Variants in ANKFN1 observed in about 807,000 individuals in gnomAD.
ANKFN1 encodes the protein ankyrin repeat and fibronectin type III domain containing 1, also known as ankyrin repeat and fibronectin type-III domain-containing protein 1.
In ANKFN1, 74 loss-of-function variants were observed where a neutral mutation model predicts 108.7. That is an observed-to-expected ratio of 0.68 (90% confidence interval 0.56 to 0.83). ANKFN1 has a LOEUF of 0.83. Ranked by LOEUF, ANKFN1 falls within the 40% of genes least tolerant of loss-of-function variation. ANKFN1 has a pLI of 0.00. For synonymous variants in ANKFN1, 547 were observed against 516.2 expected (o/e 1.06, Z -0.81); for missense variants, 1,505 against 1,382.3 (o/e 1.09, Z -1.41).
intron 8 of ANKFN1, among the ~76,000 whole-genome samples, chr17:56,390,557 T>C (rs770186662): frequency 4.6e-5 from 7 of 152,212 alleles, no homozygotes; most frequent in Non-Finnish European, 1.0e-4. Flanking sequence ...TTTGGGTATA[T>C]ACCCAGTAAT....
In ANKFN1 at chr17:56,326,740, G is replaced by A. The variant is rs16957105; in HGVS notation, c.188+385G>A. Among the ~76,000 whole-genome samples the A allele has an allele frequency of 3.0e-3, 459 of 152,320 alleles. 1 individual carries two copies. Among genetic ancestry groups the A allele is most frequent in the African/African-American group, 0.01 (425 of 41,578 alleles). ...TTCCTGAGTACCTAACAAAACACCTGTTGGGTCAGGTAAAGATGGGTTCCA... is the reference window on the plus strand; with the variant it reads ...TTCCTGAGTACCTAACAAAACACCTATTGGGTCAGGTAAAGATGGGTTCCA... On this transcript the variant is annotated intron_variant, in intron 4 of 20. Transcript: ENST00000682825.
At chr17:56,285,271 C>T (rs1465541012) in intron 3 of ANKFN1, among the ~76,000 whole-genome samples, 1 of 152,144 alleles carries the variant, frequency 6.6e-6, no homozygotes, top group Non-Finnish European at 1.5e-5. Flanking sequence ...GGACAAGCTC[C>T]TAAAGACTTA....
chr17:56,414,795 G>A (rs948688747), intron 8 of ANKFN1, among the ~76,000 whole-genome samples: 5 of 152,156 alleles, frequency 3.3e-5, no homozygotes, highest in African/African-American at 1.2e-4. Context: ...GAGATGGGCA[G>A]ATTGCTTAAG....
intron 11 of ANKFN1, among the ~76,000 whole-genome samples, chr17:56,454,115 G>A (rs2049595345): frequency 6.6e-6 from 1 of 151,976 alleles, no homozygotes; most frequent in Admixed American, 6.6e-5. Context: ...TAGAACTCTT[G>A]TTATTCAGAT....
chr17:56,447,527 A>G (rs2049338257), intron 10 of ANKFN1, among the ~76,000 whole-genome samples: 1 of 152,206 alleles, frequency 6.6e-6, no homozygotes, highest in Non-Finnish European at 1.5e-5. Context: ...AAGCTGAGTC[A>G]TATACAACTG....
chr17:56,315,881 T>C (rs2045192404), intron 3 of ANKFN1, among the ~76,000 whole-genome samples: 1 of 152,206 alleles, frequency 6.6e-6, no homozygotes, highest in African/African-American at 2.4e-5. Context: ...ATGGGAATAA[T>C]AGAGATGAGG....
At chr17:56,238,461 C>T (rs951843412) in intron 3 of ANKFN1, among the ~76,000 whole-genome samples, 1 of 152,098 alleles carries the variant, frequency 6.6e-6, no homozygotes, top group Non-Finnish European at 1.5e-5. Context: ...AATCAAGGTG[C>T]TCCTGTGTTG....
chr17:56,147,219 C>T (rs1005330434), intron 4 of ANKFN1, among the ~76,000 whole-genome samples: 1 of 152,168 alleles, frequency 6.6e-6, no homozygotes, highest in Admixed American at 6.5e-5. Context: ...CAAACCTTCC[C>T]ACATCTTCCT....
chr17:56,054,746 C>A (rs1219608538), intron 4 of ANKFN1, among the ~76,000 whole-genome samples: 1 of 151,964 alleles, frequency 6.6e-6, no homozygotes, highest in African/African-American at 2.4e-5. Context: ...AACAAATTAG[C>A]CAGACTAATA....
intron 8 of ANKFN1, among the ~76,000 whole-genome samples, chr17:56,390,047 T>C (rs763754002): frequency 6.6e-6 from 1 of 152,170 alleles, no homozygotes; most frequent in Non-Finnish European, 1.5e-5. Flanking sequence ...TTTTTAATTT[T>C]ACTTTAAGTT....
intron 1 of ANKFN1, among the ~76,000 whole-genome samples, chr17:56,203,076 A>C (rs1486964427): frequency 6.6e-6 from 1 of 152,186 alleles, no homozygotes. Context: ...AAAAGATACG[A>C]TGAACATGGA....
In ANKFN1 at chr17:56,511,290, C is replaced by A; in HGVS notation, c.*21C>A. ...TTTAGGGAGGCCCATCCCGGCTGTC[C>A]ACCCCTCCATGGCTGCTACCTGCGT... On this transcript the variant is annotated 3_prime_UTR_variant, in exon 21 of 21. Coordinates refer to ENST00000682825, the MANE Select transcript of ANKFN1 (RefSeq NM_001370326.1). 6.7e-7 allele frequency: 1 copy of A among 1,495,892 alleles called. No homozygotes were observed. The highest frequency in any genetic ancestry group is 8.9e-7 in the Non-Finnish European group (1 of 1,123,534). 92.7% of individuals were successfully genotyped at this position (1,495,892 alleles called of 1,614,324 possible).
At chr17:56,101,855 C>T (rs1905653877) in intron 4 of ANKFN1, among the ~76,000 whole-genome samples, 1 of 152,184 alleles carries the variant, frequency 6.6e-6, no homozygotes. Flanking sequence ...TGGGCCTCAT[C>T]CTACTACCTA....
At chr17:56,273,300 A>G (rs2043838125) in intron 3 of ANKFN1, among the ~76,000 whole-genome samples, 1 of 152,122 alleles carries the variant, frequency 6.6e-6, no homozygotes, top group South Asian at 2.1e-4. Flanking sequence ...GGTATACTAT[A>G]CCCAGTACTA....
At chr17:56,470,605 A>G (rs1432079876) in intron 15 of ANKFN1, among the ~76,000 whole-genome samples, 1 of 152,146 alleles carries the variant, frequency 6.6e-6, no homozygotes, top group Non-Finnish European at 1.5e-5. Context: ...CTACCTTTCC[A>G]TCACAACTAA....
chr17:56,115,654 T>A (rs945200723), intron 4 of ANKFN1, among the ~76,000 whole-genome samples: 1 of 152,124 alleles, frequency 6.6e-6, no homozygotes, highest in African/African-American at 2.4e-5. Context: ...ATCTGAAGAC[T>A]CATTCTCCCC....
intron 2 of ANKFN1, among the ~76,000 whole-genome samples, chr17:56,220,777 AG>A (rs1915778818): frequency 7.7e-6 from 1 of 129,510 alleles, no homozygotes; most frequent in African/African-American, 2.9e-5. Flanking sequence ...GGAGGGAGGA[AG>A]TCAGGAAGGA....
chr17:56,477,218 T>C (rs1363644119), intron 15 of ANKFN1, among the ~76,000 whole-genome samples: 2 of 152,022 alleles, frequency 1.3e-5, no homozygotes, highest in Non-Finnish European at 1.5e-5. Context: ...CAAACACAAC[T>C]CACACACCTA....
chr17:56,357,853 T>C (rs993981072), intron 6 of ANKFN1, among the ~76,000 whole-genome samples: 2 of 152,136 alleles, frequency 1.3e-5, no homozygotes, highest in Non-Finnish European at 2.9e-5. Flanking sequence ...AAAAATGGTT[T>C]TGTCTACATC....
Sources: gnomAD v4.1 joint callset for allele counts (sites outside exome capture counted in the v4.1 genomes callset) on GRCh38, gnomAD v4.1.1 for gene constraint, MANE v1.5 for transcripts, NCBI Gene and HGNC (gene_info 2026-07-23, HGNC 2026-07-21) for gene names.